The following ADRA2C variants were observed in gnomAD, a reference collection of about 807,000 sequenced individuals.
The protein encoded by ADRA2C is alpha-2C adrenergic receptor.
ADRA2C carries 4 observed loss-of-function variants against 7.9 expected under a neutral mutation model. The observed-to-expected ratio is 0.51, with a 90% CI of 0.25 to 1.16. The LOEUF is 1.16. Among genes scored for constraint, ADRA2C ranks in the 50% most tolerant of loss-of-function variants. The probability of loss-of-function intolerance (pLI) is 0.15; values close to 1 mark genes in which losing one functional copy is unlikely to be tolerated. For missense variants in ADRA2C, 589 were observed against 677.7 expected, an observed-to-expected ratio of 0.87 and a Z score of 1.45; for synonymous variants, 368 against 328.9, an observed-to-expected ratio of 1.12 and a Z score of -1.29.
Position 3,766,529 on chromosome 4 carries a change from G to GACCCCGGCTGGGGGGCGCCC in ADRA2C, c.-77_-58dup. The GACCCCGGCTGGGGGGCGCCC allele has an allele frequency of 9.9e-7, 1 of 1,007,692 alleles. No individual in the cohort carries two copies. Among genetic ancestry groups the GACCCCGGCTGGGGGGCGCCC allele is most frequent in the Non-Finnish European group, 1.2e-6 (1 of 840,732 alleles). The allele number at this position is 1,007,692 out of a possible 1,614,324, so 62.4% of individuals were successfully genotyped here. On this transcript the variant is annotated 5_prime_UTR_variant, in exon 1 of 1. It removes the in-frame stop codon of an upstream open reading frame in the 5' UTR. Transcript: ENST00000330055. This position sits in a 1 kb window ranked among gnomAD's most constrained non-coding sequence, Gnocchi z 4.5. ...AGCAGCAGGCGGCGATGCGGGCGCCGACCCCGGCTGGGGGGCGCCCGAGCT... is the reference window on the plus strand; with the variant it reads ...AGCAGCAGGCGGCGATGCGGGCGCCGACCCCGGCTGGGGGGCGCCCACCCCGGCTGGGGGGCGCCCGAGCT...
Position 3,768,253 on chromosome 4 carries a change from GCC to G in ADRA2C, c.*260_*261del. 1 of 717,748 alleles carries G rather than the reference GCC, an allele frequency of 1.4e-6. No individual in the cohort carries two copies. Among genetic ancestry groups the G allele is most frequent in the South Asian group, 1.5e-5 (1 of 67,600 alleles). 44.5% of individuals were successfully genotyped at this position (717,748 alleles called of 1,614,324 possible). Reference sequence around the variant, plus strand: ...TCCCTGCCTGGATCCAGCTCTGGGAGCCCTGCCGAGGTGTGGCTGTGAGGTCA... The same window carrying G: ...TCCCTGCCTGGATCCAGCTCTGGGAGCTGCCGAGGTGTGGCTGTGAGGTCA... On this transcript the variant is annotated 3_prime_UTR_variant, in exon 1 of 1. Transcript: ENST00000330055.
In ADRA2C at chr4:3,767,568, AGGGGGCGGGGCC is replaced by A. The variant is rs61767072; in HGVS notation, c.971_982del (p.Gly324_Ala327del). 0.081 allele frequency: 88,797 copies of A among 1,097,418 alleles called. 7,623 individuals carry two copies. The highest frequency in any genetic ancestry group is 0.42 in the African/African-American group (25,919 of 61,178). The allele number at this position is 1,097,418 out of a possible 1,614,324, so 68.0% of individuals were successfully genotyped here. A position where few individuals can be genotyped will look rare whatever the true frequency, so the allele number is the denominator to read the frequency against. The stretch of plus-strand genomic sequence containing the variant: ...GGGGGCGCGGGCGGTGCGGACGGGC[AGGGGGCGGGGCC>A]GGGGGCGGCTGAGTCGGGGGCGCTG... On this transcript the variant is annotated inframe_deletion, in exon 1 of 1. Coordinates refer to ENST00000330055, the MANE Select transcript of ADRA2C (RefSeq NM_000683.4).
At position 3,768,183 on chromosome 4, in the gene ADRA2C, A is replaced by G; in HGVS notation, c.*188A>G. On this transcript the variant is annotated 3_prime_UTR_variant, in exon 1 of 1. Coordinates refer to ENST00000330055, the MANE Select transcript of ADRA2C (RefSeq NM_000683.4). ...CAGGGAGTGGGGAGGAGAGAGGGGG[A>G]GACCCCTTTGCCTTCCCCCCTCAGC... The G allele has an allele frequency of 1.4e-6, 1 of 735,154 alleles. No homozygotes were observed. The highest frequency in any genetic ancestry group is 2.5e-6 in the Non-Finnish European group (1 of 405,958). The allele number at this position is 735,154 out of a possible 1,614,324, so 45.5% of individuals were successfully genotyped here.
chr4:3,766,456 G>A lies in ADRA2C; in HGVS notation c.-151G>A, dbSNP rs924028615. 2.5e-6 allele frequency: 1 copy of A among 406,804 alleles called. No homozygotes were observed. The highest frequency in any genetic ancestry group is 3.3e-6 in the Non-Finnish European group (1 of 304,056). 25.2% of individuals were successfully genotyped at this position (406,804 alleles called of 1,614,324 possible). A position where few individuals can be genotyped will look rare whatever the true frequency, so the allele number is the denominator to read the frequency against. On this transcript the variant is annotated 5_prime_UTR_variant, in exon 1 of 1. Transcript: ENST00000330055. This position sits in a 1 kb window ranked among gnomAD's most constrained non-coding sequence, Gnocchi z 4.5. ...GGCGCGCCGCCCGCGGAGCCACCAC[G>A]GCCGAGGGCCGGCTGCTGGGCGCCG...
In ADRA2C at chr4:3,766,485, T is replaced by C. The variant is rs2108706153; in HGVS notation, c.-122T>C. ...GAGGGCCGGCTGCTGGGCGCCGCGG[T>C]CCCCGGCGGGCGCGCCCGAGCAGCA... On this transcript the variant is annotated 5_prime_UTR_variant, in exon 1 of 1. Coordinates refer to ENST00000330055, the MANE Select transcript of ADRA2C (RefSeq NM_000683.4). The surrounding 1 kb of genome is among the most constrained non-coding windows in gnomAD (Gnocchi z 4.5). 1.4e-6 allele frequency: 1 copy of C among 696,584 alleles called. No homozygotes were observed. The highest frequency in any genetic ancestry group is 1.8e-6 in the Non-Finnish European group (1 of 568,838). 43.2% of individuals were successfully genotyped at this position (696,584 alleles called of 1,614,324 possible).
At position 3,768,307 on chromosome 4, in the gene ADRA2C, AG is replaced by A. The variant is rs1183700759; in HGVS notation, c.*313del. ...GGTTTTAGAGAGCAGTGGCAGAGGT[AG>A]CCCCCTAAATGGGCAAGCAAGGAGC... On this transcript the variant is annotated 3_prime_UTR_variant, in exon 1 of 1. Coordinates refer to ENST00000330055, the MANE Select transcript of ADRA2C (RefSeq NM_000683.4). The A allele has an allele frequency of 2.8e-6, 2 of 716,948 alleles. No homozygotes were observed. The highest frequency in any genetic ancestry group is 5.2e-6 in the Non-Finnish European group (2 of 385,008). 44.4% of individuals were successfully genotyped at this position (716,948 alleles called of 1,614,324 possible).
rs57727950 is a variant in ADRA2C at position 3,768,088 on chromosome 4, A to AGCTTTCCCAGAGACCCGGGGT, written c.*93_*94insGCTTTCCCAGAGACCCGGGGT. ...GGGGAGCTTTCCCAGAGACCCGGGG[A>AGCTTTCCCAGAGACCCGGGGT]TGGATTGGCCTCCAGGGCGCAGGGG... On this transcript the variant is annotated 3_prime_UTR_variant, in exon 1 of 1. Coordinates refer to ENST00000330055, the MANE Select transcript of ADRA2C (RefSeq NM_000683.4). 684 of 1,193,398 alleles carry AGCTTTCCCAGAGACCCGGGGT rather than the reference A, an allele frequency of 5.7e-4. 1 individual carries two copies. The highest frequency in any genetic ancestry group is 5.4e-4 in the East Asian group (22 of 40,702). 73.9% of individuals were successfully genotyped at this position (1,193,398 alleles called of 1,614,324 possible).
At position 3,766,877 on chromosome 4, in the gene ADRA2C, G is replaced by T. The variant is rs1337776626; in HGVS notation, c.271G>T (p.Val91Leu). 2.5e-6 allele frequency: 4 copies of T among 1,607,712 alleles called. No homozygotes were observed. Among genetic ancestry groups the T allele is most frequent in the South Asian group, 1.1e-5 (1 of 90,068 alleles). ...ALRAPQNLFL[V>L]SLASADILVA... The stretch of plus-strand genomic sequence containing the variant: ...GCGCGCGCCACAGAACCTCTTCCTG[G>T]TGTCGCTGGCCTCGGCCGACATCCT... Residue 91 changes from valine to leucine, a missense_variant, in exon 1 of 1, where the codon GTG becomes TTG. Val to Leu is a conservative substitution (Grantham distance 32, BLOSUM62 1). Coordinates refer to ENST00000330055, the MANE Select transcript of ADRA2C (RefSeq NM_000683.4). The surrounding 1 kb of genome is among the most constrained non-coding windows in gnomAD (Gnocchi z 4.5).
Position 3,766,518 on chromosome 4 carries a change from A to T in ADRA2C, c.-89A>T. On this transcript the variant is annotated 5_prime_UTR_variant, in exon 1 of 1. The change abolishes an upstream ATG in the 5' untranslated region. Coordinates refer to ENST00000330055, the MANE Select transcript of ADRA2C (RefSeq NM_000683.4). The surrounding 1 kb of genome is among the most constrained non-coding windows in gnomAD (Gnocchi z 4.5). ...GGGCGCGCCCGAGCAGCAGGCGGCG[A>T]TGCGGGCGCCGACCCCGGCTGGGGG... The T allele has an allele frequency of 1.1e-6, 1 of 943,154 alleles. No homozygotes were observed. Among genetic ancestry groups the T allele is most frequent in the Non-Finnish European group, 1.3e-6 (1 of 788,590 alleles). 58.4% of individuals were successfully genotyped at this position (943,154 alleles called of 1,614,324 possible).
In ADRA2C at chr4:3,767,475, C is replaced by T; in HGVS notation, c.869C>T (p.Ala290Val). The T allele has an allele frequency of 7.6e-7, 1 of 1,310,816 alleles. No individual in the cohort carries two copies. The highest frequency in any genetic ancestry group is 2.1e-5 in the South Asian group (1 of 46,858). 81.2% of individuals were successfully genotyped at this position (1,310,816 alleles called of 1,614,324 possible). The part of the protein sequence containing the change: ...PADVEPDESS[A>V]AAERRRRRGA... The stretch of plus-strand genomic sequence containing the variant: ...GACGTGGAGCCGGACGAGAGCAGCG[C>T]AGCGGCCGAGAGGCGGCGGCGCCGG... Residue 290 changes from alanine (A) to valine (V), a missense_variant, in exon 1 of 1, where the codon GCA (alanine) becomes GTA (valine). By Grantham distance (64) the Ala-to-Val change is moderately conservative (BLOSUM62 0). Coordinates refer to ENST00000330055, the MANE Select transcript of ADRA2C (RefSeq NM_000683.4).
Position 3,766,454 on chromosome 4 carries a change from A to T in ADRA2C, c.-153A>T. ...CCGGCGCGCCGCCCGCGGAGCCACC[A>T]CGGCCGAGGGCCGGCTGCTGGGCGC... On this transcript the variant is annotated 5_prime_UTR_variant, in exon 1 of 1. Coordinates refer to ENST00000330055, the MANE Select transcript of ADRA2C (RefSeq NM_000683.4). The surrounding 1 kb of genome is among the most constrained non-coding windows in gnomAD (Gnocchi z 4.5). 2.6e-6 allele frequency: 1 copy of T among 390,762 alleles called. No homozygotes were observed. Among genetic ancestry groups the T allele is most frequent in the Non-Finnish European group, 3.5e-6 (1 of 289,634 alleles). 24.2% of individuals were successfully genotyped at this position (390,762 alleles called of 1,614,324 possible).
chr4:3,767,449 C>T lies in ADRA2C; in HGVS notation c.843C>T (p.Ala281=). Residue 281 remains alanine, a synonymous_variant, in exon 1 of 1, where the codon GCC becomes GCT. Coordinates refer to ENST00000330055, the MANE Select transcript of ADRA2C (RefSeq NM_000683.4). ...ACGGGCACTGCGCGCCCCCGCCCGC[C>T]GACGTGGAGCCGGACGAGAGCAGCG... ...GENGHCAPPP[A]DVEPDESSAA... 6.7e-7 allele frequency: 1 copy of T among 1,493,588 alleles called. No homozygotes were observed. Among genetic ancestry groups the T allele is most frequent in the South Asian group, 1.3e-5 (1 of 77,176 alleles). The allele number at this position is 1,493,588 out of a possible 1,614,324, so 92.5% of individuals were successfully genotyped here.
chr4:3,767,486 A>T lies in ADRA2C; in HGVS notation c.880A>T (p.Arg294Trp). ...EPDESSAAAE[R>W]RRRRGALRRG... ...GGACGAGAGCAGCGCAGCGGCCGAG[A>T]GGCGGCGGCGCCGGGGCGCGTTGCG... Residue 294 changes from arginine to tryptophan, a missense_variant, in exon 1 of 1, where the codon AGG becomes TGG. Coordinates refer to ENST00000330055, the MANE Select transcript of ADRA2C (RefSeq NM_000683.4). 1 of 1,209,360 alleles carries T rather than the reference A, an allele frequency of 8.3e-7. No individual in the cohort carries two copies. The highest frequency in any genetic ancestry group is 1.0e-6 in the Non-Finnish European group (1 of 974,476). 74.9% of individuals were successfully genotyped at this position (1,209,360 alleles called of 1,614,324 possible). A position where few individuals can be genotyped will look rare whatever the true frequency, so the allele number is the denominator to read the frequency against.
rs1453100743 is a variant in ADRA2C at position 3,768,261 on chromosome 4, G to A, written c.*266G>A. On this transcript the variant is annotated 3_prime_UTR_variant, in exon 1 of 1. Transcript: ENST00000330055. ...TGGATCCAGCTCTGGGAGCCCTGCCGAGGTGTGGCTGTGAGGTCAGGGTTT... is the reference window on the plus strand; with the variant it reads ...TGGATCCAGCTCTGGGAGCCCTGCCAAGGTGTGGCTGTGAGGTCAGGGTTT... 10 of 717,402 alleles carry A rather than the reference G, an allele frequency of 1.4e-5. No individual in the cohort carries two copies. Among genetic ancestry groups the A allele is most frequent in the Admixed American group, 4.0e-5 (2 of 50,000 alleles). 44.4% of individuals were successfully genotyped at this position (717,402 alleles called of 1,614,324 possible).
In ADRA2C at chr4:3,767,662, C is replaced by A. The variant is rs747805040; in HGVS notation, c.1056C>A (p.Ser352=). Residue 352 remains serine (S), a synonymous_variant, in exon 1 of 1, where the codon TCC becomes TCA. Transcript: ENST00000330055. The stretch of plus-strand genomic sequence containing the variant: ...GCCTGTCGCGCGCCAGCTCGCGCTC[C>A]GTCGAGTTCTTCCTGTCGCGCCGGC... ...GGRLSRASSR[S]VEFFLSRRRR... is the part of the protein sequence containing the mutation. 6.6e-7 allele frequency: 1 copy of A among 1,512,178 alleles called. No homozygotes were observed. The highest frequency in any genetic ancestry group is 1.2e-5 in the South Asian group (1 of 80,264). 93.7% of individuals were successfully genotyped at this position (1,512,178 alleles called of 1,614,324 possible). A position where few individuals can be genotyped will look rare whatever the true frequency, so the allele number is the denominator to read the frequency against.
In ADRA2C at chr4:3,766,934, G is replaced by A. The variant is rs777613748; in HGVS notation, c.328G>A (p.Ala110Thr). The A allele has an allele frequency of 6.2e-7, 1 of 1,610,642 alleles. No individual in the cohort carries two copies. Among genetic ancestry groups the A allele is most frequent in the Non-Finnish European group, 8.5e-7 (1 of 1,179,838 alleles). ...CACGCTGGTCATGCCCTTCTCGTTG[G>A]CCAACGAGCTCATGGCCTACTGGTA... is the stretch of plus-strand genomic sequence containing the variant. ...VATLVMPFSLANELMAYWYFG... is the reference protein window; with the variant it reads ...VATLVMPFSLTNELMAYWYFG... Residue 110 changes from alanine (A) to threonine (T), a missense_variant, in exon 1 of 1, where the codon GCC (alanine) becomes ACC (threonine). By Grantham distance (58) the Ala-to-Thr change is moderately conservative (BLOSUM62 0). Transcript: ENST00000330055. This position sits in a 1 kb window ranked among gnomAD's most constrained non-coding sequence, Gnocchi z 4.5.
rs1277355239 is a variant in ADRA2C at position 3,766,433 on chromosome 4, C to G, written c.-174C>G. On this transcript the variant is annotated 5_prime_UTR_variant, in exon 1 of 1. Coordinates refer to ENST00000330055, the MANE Select transcript of ADRA2C (RefSeq NM_000683.4). The surrounding 1 kb of genome is among the most constrained non-coding windows in gnomAD (Gnocchi z 4.5). ...GGAGCCCGGCAGCCACGCTCTCCGG[C>G]GCGCCGCCCGCGGAGCCACCACGGC... 4.0e-6 allele frequency: 1 copy of G among 249,318 alleles called. No individual in the cohort carries two copies. Among genetic ancestry groups the G allele is most frequent in the East Asian group, 1.8e-4 (1 of 5,516 alleles). 15.4% of individuals were successfully genotyped at this position (249,318 alleles called of 1,614,324 possible).
In ADRA2C at chr4:3,767,221, C is replaced by T. The variant is rs761736463; in HGVS notation, c.615C>T (p.Asn205=). The T allele has an allele frequency of 3.7e-6, 6 of 1,610,688 alleles. No individual in the cohort carries two copies. The highest frequency in any genetic ancestry group is 5.1e-6 in the Non-Finnish European group (6 of 1,179,286). ...CCGCCTACCCGCAGTGCGGCCTCAA[C>T]GACGAGACCTGGTACATCCTGTCCT... ...DGAAYPQCGL[N]DETWYILSSC... The change falls in exon 1 of 1, where the codon AAC becomes AAT. Residue 205 remains asparagine (N), a synonymous_variant. Coordinates refer to ENST00000330055, the MANE Select transcript of ADRA2C (RefSeq NM_000683.4).
Position 3,767,486 on chromosome 4 carries a change from A to AGGC in ADRA2C, c.888_890dup (p.Arg298dup), listed in dbSNP as rs1439121710. The AGGC allele has an allele frequency of 1.7e-6, 2 of 1,209,260 alleles. No individual in the cohort carries two copies. Among genetic ancestry groups the AGGC allele is most frequent in the Admixed American group, 4.5e-5 (1 of 22,254 alleles). 74.9% of individuals were successfully genotyped at this position (1,209,260 alleles called of 1,614,324 possible). On this transcript the variant is annotated inframe_insertion, in exon 1 of 1. Coordinates refer to ENST00000330055, the MANE Select transcript of ADRA2C (RefSeq NM_000683.4). ...GGACGAGAGCAGCGCAGCGGCCGAG[A>AGGC]GGCGGCGGCGCCGGGGCGCGTTGCG...
Sources: gnomAD v4.1 joint callset for allele counts on GRCh38, gnomAD v4.1.1 for gene constraint, Gnocchi (gnomAD v3.1) non-coding constraint, MANE v1.5 for transcripts, NCBI Gene and HGNC (gene_info 2026-07-23, HGNC 2026-07-21) for gene names.